The following NLRP5 variants were observed in gnomAD, a reference collection of about 807,000 sequenced individuals.
The protein encoded by NLRP5 is NACHT, LRR and PYD domains-containing protein 5.
A neutral mutation model predicts 113.1 loss-of-function variants in NLRP5; 93 were observed. The ratio of observed to expected loss-of-function variants is 0.82; its 90% CI spans 0.70 to 0.98. NLRP5 has a LOEUF of 0.98. Ranked by LOEUF, NLRP5 falls within the 50% of genes least tolerant of loss-of-function variation. The pLI is 0.00. For missense variants in NLRP5, 1,808 were observed against 1,514.3 expected, an observed-to-expected ratio of 1.19 and a Z score of -3.22; for synonymous variants, 751 against 600.7, an observed-to-expected ratio of 1.25 and a Z score of -3.66.
chr19:56,032,162 T>C (rs1029778957), intron 7 of NLRP5, among the ~76,000 whole-genome samples: 1 of 152,066 alleles, frequency 6.6e-6, no homozygotes, highest in Non-Finnish European at 1.5e-5. Flanking sequence ...CTGGCCAACA[T>C]GGTGAAACCC....
chr19:56,053,893 A>T, intron 13 of NLRP5, 85 bp downstream of exon 13: 1 of 1,281,020 alleles, frequency 7.8e-7, no homozygotes, highest in East Asian at 2.3e-5. Context: ...AGGGATGATG[A>T]TGATCTGGTT....
Position 56,004,191 on chromosome 19 carries a change from A to G in NLRP5, c.442+96A>G, listed in dbSNP as rs551446246. On this transcript the variant is annotated intron_variant, in intron 2 of 14. Transcript: ENST00000390649. ...GAATCGTTGTTCAGTAACCGGCTCC[A>G]CCTCTGCAGTGTGAGTCTGAGCTGT... The G allele has an allele frequency of 4.3e-5, 56 of 1,309,800 alleles. 1 individual carries two copies. In the South Asian group the frequency reaches 5.4e-4, roughly 13 times the overall value. The allele number at this position is 1,309,800 out of a possible 1,614,324, so 81.1% of individuals were successfully genotyped here.
At chr19:56,057,441 C>CT (rs376062223) in intron 13 of NLRP5, among the ~76,000 whole-genome samples, 18 of 152,206 alleles carry the variant, frequency 1.2e-4, no homozygotes, top group African/African-American at 2.2e-4. Context: ...GTCTGGGACT[C>CT]TTTTCTAGCC....
the NLRP5 span, among the ~76,000 whole-genome samples, chr19:55,991,664 A>G: frequency 6.6e-6 from 1 of 152,038 alleles, no homozygotes; most frequent in Non-Finnish European, 1.5e-5. Flanking sequence ...TAATAACTAC[A>G]TATAATTTAA....
intron 11 of NLRP5, 124 bp from the exon 12 acceptor site, chr19:56,050,294 A>G: frequency 3.2e-6 from 3 of 933,846 alleles, no homozygotes; most frequent in Non-Finnish European, 4.7e-6. Context: ...AAAAAGAAAA[A>G]AAAACAAATA....
chr19:56,037,443 C>G (rs1450243581), intron 9 of NLRP5, among the ~76,000 whole-genome samples: 1 of 152,012 alleles, frequency 6.6e-6, no homozygotes, highest in Non-Finnish European at 1.5e-5. Flanking sequence ...TGCCTGTAAT[C>G]CAGTGCTTTG....
At chr19:56,019,242 G>A (rs1982524039) in intron 4 of NLRP5, 100 bp from the exon 5 acceptor site, 2 of 1,355,224 alleles carry the variant, frequency 1.5e-6, no homozygotes, top group Admixed American at 4.0e-5. Flanking sequence ...CAACTGGCCA[G>A]AAAATAAATA....
chr19:56,024,699 A>G (rs1459196455), intron 6 of NLRP5, among the ~76,000 whole-genome samples: 7 of 151,700 alleles, frequency 4.6e-5, no homozygotes, highest in Non-Finnish European at 8.8e-5. Context: ...TGGAGGCTGC[A>G]GTGAGCCAAG....
intron 3 of NLRP5, among the ~76,000 whole-genome samples, chr19:56,012,531 C>A (rs915327621): frequency 7.1e-6 from 1 of 140,150 alleles, no homozygotes; most frequent in Non-Finnish European, 1.5e-5. Flanking sequence ...AATTTATAAA[C>A]ATGAACCTAT....
intron 8 of NLRP5, 45 bp from the exon 9 acceptor site, chr19:56,033,496 AC>A: frequency 6.8e-7 from 1 of 1,465,582 alleles, no homozygotes; most frequent in Non-Finnish European, 9.4e-7. Context: ...TGAGGATACA[AC>A]TAAACATCAC....
At chr19:56,025,706 G>C (rs965060866) in intron 6 of NLRP5, among the ~76,000 whole-genome samples, 1 of 151,904 alleles carries the variant, frequency 6.6e-6, no homozygotes, top group East Asian at 1.9e-4. Flanking sequence ...CAGCACATCC[G>C]GCCATTCCCC....
chr19:55,998,774 C>T (rs1981480730), upstream of NLRP5, among the ~76,000 whole-genome samples: 1 of 141,182 alleles, frequency 7.1e-6, no homozygotes, highest in Non-Finnish European at 1.5e-5. Context: ...TGCAGATTCA[C>T]AAATTGAAGC....
Position 56,038,152 on chromosome 19 carries a change from A to G in NLRP5, c.2743A>G (p.Ser915Gly), listed in dbSNP as rs746392011. ...GACAGACCAGGGAGTAATGCCTCTC[A>G]GTGATGCCTTGAGAGTCTCCCAGTG... The change falls in exon 10 of 15, where the codon AGT becomes GGT. Residue 915 changes from serine (S) to glycine (G), a missense_variant. Ser to Gly is a moderately conservative substitution (Grantham distance 56, BLOSUM62 0). Coordinates refer to ENST00000390649, the MANE Select transcript of NLRP5 (RefSeq NM_153447.4). The G allele has an allele frequency of 3.1e-6, 5 of 1,613,946 alleles. No homozygotes were observed. Among genetic ancestry groups the G allele is most frequent in the Admixed American group, 1.7e-5 (1 of 60,008 alleles).
intron 14 of NLRP5, among the ~76,000 whole-genome samples, chr19:56,059,491 G>T (rs565512950): frequency 6.6e-5 from 10 of 152,102 alleles, no homozygotes; most frequent in Admixed American, 5.2e-4. Flanking sequence ...TGTACAGCTG[G>T]CAGCATTGAT....
intron 2 of NLRP5, among the ~76,000 whole-genome samples, chr19:56,005,638 A>ACGCGCG (rs199510267): frequency 1.0e-4 from 14 of 136,454 alleles, no homozygotes; most frequent in Non-Finnish European, 2.1e-4. Context: ...ACACACACAC[A>ACGCGCG]CACACGCGCG....
chr19:56,052,823 C>G (rs1419179499), intron 12 of NLRP5, among the ~76,000 whole-genome samples: 1 of 152,104 alleles, frequency 6.6e-6, no homozygotes, highest in East Asian at 1.9e-4. Context: ...AACTTCTGTC[C>G]CCTTTTCTCT....
At chr19:56,037,989 A>G in intron 9 of NLRP5, 36 bp from the exon 10 acceptor site, 1 of 1,610,776 alleles carries the variant, frequency 6.2e-7, no homozygotes, top group Non-Finnish European at 8.5e-7. Context: ...GCTTTGGACA[A>G]GAGCTGGGAT....
At chr19:56,044,463 C>T (rs985822807) in intron 11 of NLRP5, among the ~76,000 whole-genome samples, 5 of 152,150 alleles carry the variant, frequency 3.3e-5, no homozygotes, top group African/African-American at 4.8e-5. Flanking sequence ...CACCGTTTGT[C>T]GAAAAGGGTG....
the NLRP5 span, among the ~76,000 whole-genome samples, chr19:55,992,134 C>A: frequency 1.3e-5 from 2 of 152,268 alleles, no homozygotes; most frequent in East Asian, 1.9e-4. Flanking sequence ...GTTTTCTGTT[C>A]CTGTCTTAGT....
Sources: gnomAD v4.1 joint callset for allele counts (sites outside exome capture counted in the v4.1 genomes callset) on GRCh38, gnomAD v4.1.1 for gene constraint, MANE v1.5 for transcripts, NCBI Gene and HGNC (gene_info 2026-07-23, HGNC 2026-07-21) for gene names.